The following THEMIS variants were observed in gnomAD, a reference collection of about 807,000 sequenced individuals.
THEMIS encodes thymocyte selection associated, also known as protein THEMIS.
A neutral mutation model predicts 52.6 loss-of-function variants in THEMIS; 37 were observed. The observed-to-expected ratio is 0.70, with a 90% CI of 0.54 to 0.93. The LOEUF (loss-of-function observed/expected upper bound fraction) is 0.93. Ranked by LOEUF, THEMIS falls within the 40% of genes least tolerant of loss-of-function variation. THEMIS has a pLI of 0.00. For synonymous variants in THEMIS, 292 were observed against 272.7 expected (o/e 1.07, Z -0.70); for missense variants, 808 against 763.1 (o/e 1.06, Z -0.69).
intron 4 of THEMIS, among the ~76,000 whole-genome samples, chr6:127,806,330 A>C (rs934545927): frequency 2.6e-4 from 40 of 152,316 alleles, no homozygotes; most frequent in African/African-American, 9.4e-4. Flanking sequence ...CTGCTAAAAA[A>C]GTAATACTCA....
chr6:127,740,184 C>T (rs755718659), intron 4 of THEMIS, among the ~76,000 whole-genome samples: 5 of 151,762 alleles, frequency 3.3e-5, no homozygotes, highest in Non-Finnish European at 7.4e-5. Flanking sequence ...TTTTTTCCTG[C>T]TTTGTAGGTC....
At chr6:127,846,622 G>A (rs1779223317) in intron 2 of THEMIS, among the ~76,000 whole-genome samples, 1 of 151,824 alleles carries the variant, frequency 6.6e-6, no homozygotes, top group Non-Finnish European at 1.5e-5. Context: ...CCAATAACAA[G>A]CAGTGAGATT....
At chr6:127,863,146 T>C (rs1779861671) in intron 1 of THEMIS, among the ~76,000 whole-genome samples, 1 of 152,220 alleles carries the variant, frequency 6.6e-6, no homozygotes, top group Non-Finnish European at 1.5e-5. Flanking sequence ...AACTTGATAA[T>C]AATCACAATT....
chr6:127,799,704 G>A (rs998296760), intron 4 of THEMIS, among the ~76,000 whole-genome samples: 6 of 151,752 alleles, frequency 4.0e-5, no homozygotes, highest in Middle Eastern at 3.4e-3. Context: ...TTTCACACTC[G>A]AACATACACA....
At chr6:127,723,968 T>C (rs529444960) in intron 4 of THEMIS, among the ~76,000 whole-genome samples, 3 of 152,168 alleles carry the variant, frequency 2.0e-5, no homozygotes, top group East Asian at 1.9e-4. Context: ...TTAAATATAA[T>C]AGGCATTAAA....
At chr6:127,736,151 CA>C (rs2114543620) in intron 4 of THEMIS, among the ~76,000 whole-genome samples, 1 of 152,206 alleles carries the variant, frequency 6.6e-6, no homozygotes, top group East Asian at 1.9e-4. Flanking sequence ...CTCACTTAGT[CA>C]AGAACAAAAC....
At chr6:127,837,918 A>G (rs368599872) in intron 2 of THEMIS, among the ~76,000 whole-genome samples, 22 of 152,202 alleles carry the variant, frequency 1.4e-4, no homozygotes, top group African/African-American at 4.6e-4. Context: ...GGAATGTATC[A>G]TGATTTACCC....
chr6:127,876,340 G>A (rs1270263599), intron 1 of THEMIS, among the ~76,000 whole-genome samples: 2 of 152,172 alleles, frequency 1.3e-5, no homozygotes, highest in Non-Finnish European at 2.9e-5. Context: ...GGTATTAGGA[G>A]AATGATAGGG....
chr6:127,892,932 T>G (rs914534222), intron 1 of THEMIS, among the ~76,000 whole-genome samples: 5 of 152,170 alleles, frequency 3.3e-5, no homozygotes, highest in Non-Finnish European at 7.4e-5. Flanking sequence ...GTATGTGAAC[T>G]GCCTTTTACA....
chr6:127,742,866 C>T (rs939316402), intron 4 of THEMIS, among the ~76,000 whole-genome samples: 3 of 151,986 alleles, frequency 2.0e-5, no homozygotes, highest in Non-Finnish European at 4.4e-5. Context: ...GGTTCCATAA[C>T]AATGTGAATG....
chr6:127,863,371 C>T (rs1168780091), intron 1 of THEMIS, among the ~76,000 whole-genome samples: 1 of 152,066 alleles, frequency 6.6e-6, no homozygotes, highest in Non-Finnish European at 1.5e-5. Context: ...TGGTGGAATT[C>T]CATTTATCTT....
chr6:127,906,772 G>A (rs1781279445), intron 1 of THEMIS, among the ~76,000 whole-genome samples: 1 of 151,832 alleles, frequency 6.6e-6, no homozygotes, highest in Admixed American at 6.6e-5. Context: ...ATGAAATGAT[G>A]ATTAAATTAT....
chr6:127,767,616 C>T (rs1776244963), intron 4 of THEMIS, among the ~76,000 whole-genome samples: 1 of 152,002 alleles, frequency 6.6e-6, no homozygotes, highest in Non-Finnish European at 1.5e-5. Flanking sequence ...GTAACAATGC[C>T]TTTGTTTGGA....
intron 3 of THEMIS, among the ~76,000 whole-genome samples, chr6:127,816,365 C>T (rs1007849900): frequency 9.2e-5 from 14 of 152,110 alleles, no homozygotes; most frequent in African/African-American, 3.4e-4. Context: ...TAGCTCCAGC[C>T]AAAACATTTT....
Position 127,719,775 on chromosome 6 carries a change from G to C in THEMIS, c.1807C>G (p.Leu603Val). 1 of 1,612,252 alleles carries C rather than the reference G, an allele frequency of 6.2e-7. No homozygotes were observed. Among genetic ancestry groups the C allele is most frequent in the Non-Finnish European group, 8.5e-7 (1 of 1,178,928 alleles). The change falls in exon 5 of 6, where the codon CTG becomes GTG. Residue 603 changes from leucine to valine, a missense_variant. Coordinates refer to ENST00000368248, the MANE Select transcript of THEMIS (RefSeq NM_001010923.3). ...CTACCAATCAGTACTTTTGAATCCA[G>C]GCCAGCTTGATTTGGGTGAAGTTTC... The part of the protein sequence containing the change: ...TKKLHPNQAG[L>V]DSKVLIGSQN...
chr6:127,847,202 C>T (rs911345777), intron 2 of THEMIS, among the ~76,000 whole-genome samples: 2 of 151,968 alleles, frequency 1.3e-5, no homozygotes, highest in African/African-American at 4.8e-5. Flanking sequence ...AAGTTGAAAG[C>T]ATTCCCACTG....
intron 3 of THEMIS, among the ~76,000 whole-genome samples, chr6:127,821,127 T>C (rs1562280067): frequency 6.6e-6 from 1 of 151,776 alleles, no homozygotes; most frequent in African/African-American, 2.4e-5. Flanking sequence ...ACGGCTTATA[T>C]TGTGGTATAT....
At chr6:127,849,487 C>G (rs1779344850) in intron 2 of THEMIS, among the ~76,000 whole-genome samples, 1 of 151,784 alleles carries the variant, frequency 6.6e-6, no homozygotes. Flanking sequence ...CACAGAATTT[C>G]AAATTATACT....
chr6:127,833,182 G>A (rs1481202606), intron 2 of THEMIS, among the ~76,000 whole-genome samples: 2 of 151,964 alleles, frequency 1.3e-5, no homozygotes, highest in African/African-American at 2.4e-5. Context: ...CATGGGAAAT[G>A]TAATAGATTG....
Sources: gnomAD v4.1 joint callset for allele counts (sites outside exome capture counted in the v4.1 genomes callset) on GRCh38, gnomAD v4.1.1 for gene constraint, MANE v1.5 for transcripts, NCBI Gene and HGNC (gene_info 2026-07-23, HGNC 2026-07-21) for gene names.